Variants in ELOB observed in about 807,000 individuals in gnomAD.
ELOB encodes the protein elongin-B.
In ELOB, 3 loss-of-function variants were observed where a neutral mutation model predicts 12.9. The ratio of observed to expected loss-of-function variants is 0.23; its 90% CI spans 0.11 to 0.60. The LOEUF is 0.60. Among genes scored for constraint, ELOB ranks in the 20% least tolerant of loss-of-function variants. The pLI is 0.89. For synonymous variants in ELOB, 84 were observed against 67.4 expected (o/e 1.25, Z -1.21); for missense variants, 126 against 159.2 (o/e 0.79, Z 1.12).
At chr16:2,772,215 C>T (rs901996228) in intron 3 of ELOB, 113 bp from the exon 4 acceptor site, 8 of 1,275,478 alleles carry the variant, frequency 6.3e-6, no homozygotes, top group Admixed American at 2.9e-5. Context: ...GCGAACGCCC[C>T]TCCACACGGC....
chr16:2,771,824 G>T lies in ELOB; in HGVS notation c.*166C>A. 1 of 1,451,796 alleles carries T rather than the reference G, an allele frequency of 6.9e-7. No individual in the cohort carries two copies. Among genetic ancestry groups the T allele is most frequent in the Non-Finnish European group, 9.0e-7 (1 of 1,105,958 alleles). The allele number at this position is 1,451,796 out of a possible 1,614,324, so 89.9% of individuals were successfully genotyped here. A position where few individuals can be genotyped will look rare whatever the true frequency, so the allele number is the denominator to read the frequency against. On this transcript the variant is annotated 3_prime_UTR_variant, in exon 4 of 4. Coordinates refer to ENST00000409906, the MANE Select transcript of ELOB (RefSeq NM_007108.4). ...AGGCTGGGCCAAGTTCTCAGCCAGG[G>T]TCTCAGGATCTGGGAGACAGGACAG...
At position 2,771,664 on chromosome 16, in the gene ELOB, G is replaced by A. The variant is rs1596301255; in HGVS notation, c.*326C>T. The stretch of plus-strand genomic sequence containing the variant: ...CCTAAAACTGGAATCTCTTGTCCCT[G>A]AGGCTGGCTCTGGTCTTTGTGTCTC... On this transcript the variant is annotated 3_prime_UTR_variant, in exon 4 of 4. Coordinates refer to ENST00000409906, the MANE Select transcript of ELOB (RefSeq NM_007108.4). The A allele has an allele frequency of 6.2e-7, 1 of 1,609,552 alleles. No individual in the cohort carries two copies.
intron 2 of ELOB, among the ~76,000 whole-genome samples, chr16:2,776,673 T>G (rs1038661246): frequency 2.0e-5 from 3 of 152,212 alleles, no homozygotes; most frequent in African/African-American, 4.8e-5. Context: ...GCGCTGCCAA[T>G]GACCTTTGGC....
chr16:2,771,917 CG>C lies in ELOB; in HGVS notation c.*72del. 1.3e-6 allele frequency: 2 copies of C among 1,537,030 alleles called. No individual in the cohort carries two copies. The highest frequency in any genetic ancestry group is 1.8e-6 in the Non-Finnish European group (2 of 1,140,812). On this transcript the variant is annotated 3_prime_UTR_variant, in exon 4 of 4. Transcript: ENST00000409906. ...GAGTGGGACCCATCCCAGGGAGGGGCGGGAAAAAGAGGCAGCAACCAGGCAG... is the reference window on the plus strand; with the variant it reads ...GAGTGGGACCCATCCCAGGGAGGGGCGGAAAAAGAGGCAGCAACCAGGCAG...
chr16:2,771,679 C>CT lies in ELOB; in HGVS notation c.*310dup, dbSNP rs1216714422. 2.5e-6 allele frequency: 4 copies of CT among 1,601,286 alleles called. No individual in the cohort carries two copies. The highest frequency in any genetic ancestry group is 8.5e-7 in the Non-Finnish European group (1 of 1,174,284). ...TCTTGTCCCTGAGGCTGGCTCTGGT[C>CT]TTTGTGTCTCTCCCAGTCCTTCCCT... is the stretch of plus-strand genomic sequence containing the variant. On this transcript the variant is annotated 3_prime_UTR_variant, in exon 4 of 4. Transcript: ENST00000409906.
intron 2 of ELOB, among the ~76,000 whole-genome samples, chr16:2,776,399 C>T (rs999603089): frequency 1.3e-5 from 2 of 152,184 alleles, no homozygotes; most frequent in African/African-American, 4.8e-5. Context: ...GCATCTGACT[C>T]CCCAATGCAG....
At chr16:2,772,901 C>T (rs922654329) in intron 3 of ELOB, among the ~76,000 whole-genome samples, 1 of 152,124 alleles carries the variant, frequency 6.6e-6, no homozygotes, top group Non-Finnish European at 1.5e-5. Context: ...CTTGCTGGTC[C>T]CAGCACTCGG....
Position 2,771,554 on chromosome 16 carries a change from C to T in ELOB, c.*436G>A. 4 of 1,614,142 alleles carry T rather than the reference C, an allele frequency of 2.5e-6. No individual in the cohort carries two copies. Among genetic ancestry groups the T allele is most frequent in the Non-Finnish European group, 3.4e-6 (4 of 1,180,008 alleles). On this transcript the variant is annotated 3_prime_UTR_variant, in exon 4 of 4. Coordinates refer to ENST00000409906, the MANE Select transcript of ELOB (RefSeq NM_007108.4). ...ACATGCTGTCAAACCAGGACACTGG[C>T]TCCAGCTTGTGTTTCTGCTCTTGGC...
chr16:2,772,916 G>C (rs1454681128), intron 3 of ELOB, among the ~76,000 whole-genome samples: 1 of 152,090 alleles, frequency 6.6e-6, no homozygotes, highest in African/African-American at 2.4e-5. Flanking sequence ...ACTCGGAATG[G>C]CTGGCTGCTT....
intron 3 of ELOB, 30 bp from the exon 4 acceptor site, chr16:2,772,132 G>T (rs377208918): frequency 6.4e-7 from 1 of 1,558,718 alleles, no homozygotes; most frequent in South Asian, 1.2e-5. Flanking sequence ...GCTGCAGGGG[G>T]GTATTCCAGC....
At chr16:2,776,929 G>A in intron 2 of ELOB, 64 bp downstream of exon 2, 1 of 1,512,440 alleles carries the variant, frequency 6.6e-7, no homozygotes, top group Admixed American at 2.0e-5. Flanking sequence ...CGCGGACAGC[G>A]TAGGCGTCAG....
chr16:2,777,161 CG>C (rs2068806524), intron 1 of ELOB, 34 bp from the exon 2 acceptor site: 1 of 1,253,336 alleles, frequency 8.0e-7, no homozygotes, highest in Non-Finnish European at 1.0e-6. Context: ...GCACGAAGCC[CG>C]GGCCCCCCGC....
chr16:2,772,755 A>G (rs1053000103), intron 3 of ELOB, among the ~76,000 whole-genome samples: 1 of 151,340 alleles, frequency 6.6e-6, no homozygotes, highest in African/African-American at 2.4e-5. Flanking sequence ...CCCTGCTGAA[A>G]ACCATCCAGT....
intron 3 of ELOB, 103 bp downstream of exon 3, chr16:2,775,345 CACT>C: frequency 1.6e-6 from 1 of 642,244 alleles, no homozygotes. Flanking sequence ...ACGAGGAAGA[CACT>C]GCCCTGAAGG....
chr16:2,776,136 A>C (rs2068798555), intron 2 of ELOB, among the ~76,000 whole-genome samples: 1 of 152,200 alleles, frequency 6.6e-6, no homozygotes, highest in African/African-American at 2.4e-5. Context: ...GGGCCACCAG[A>C]GGGTTTCAAT....
rs773606482 is a variant in ELOB, at chr16:2,771,581, A to G, written c.*409T>C. ...CCAGCTTGTGTTTCTGCTCTTGGCC[A>G]TCGTCTGGGAGTGGACATGCAGGCT... On this transcript the variant is annotated 3_prime_UTR_variant, in exon 4 of 4. Transcript: ENST00000409906. The G allele has an allele frequency of 1.9e-6, 3 of 1,613,986 alleles. No homozygotes were observed. Among genetic ancestry groups the G allele is most frequent in the South Asian group, 2.2e-5 (2 of 91,076 alleles).
In ELOB at chr16:2,771,988, C is replaced by T. The variant is rs78292378; in HGVS notation, c.*2G>A. ...TGGGGGAAATGGGCCTCTTGGGGGT[C>T]CTCACTGCACGGCTTGTTCATTGGC... On this transcript the variant is annotated 3_prime_UTR_variant, in exon 4 of 4. Transcript: ENST00000409906. The T allele has an allele frequency of 1.2e-5, 2 of 162,858 alleles. No homozygotes were observed. Among genetic ancestry groups the T allele is most frequent in the East Asian group, 7.7e-5 (1 of 13,020 alleles). 10.1% of individuals were successfully genotyped at this position (162,858 alleles called of 1,614,324 possible).
rs2068807483 is a variant in ELOB at position 2,777,223 on chromosome 16, C to T, written c.3+14G>A. 2 of 1,013,452 alleles carry T rather than the reference C, an allele frequency of 2.0e-6. No individual in the cohort carries two copies. Among genetic ancestry groups the T allele is most frequent in the Non-Finnish European group, 2.4e-6 (2 of 848,488 alleles). The allele number at this position is 1,013,452 out of a possible 1,614,324, so 62.8% of individuals were successfully genotyped here. ...CCGGCCCGGCCCGGCCGCCCCTCCC[C>T]CACGCCCGCTCACCATCGCGGCTGC... On this transcript the variant is annotated intron_variant, in intron 1 of 3. Transcript: ENST00000409906.
Position 2,771,512 on chromosome 16 carries a change from T to C in ELOB, c.*478A>G, listed in dbSNP as rs766959241. 3.0e-5 allele frequency: 48 copies of C among 1,614,048 alleles called. No homozygotes were observed. Among genetic ancestry groups the C allele is most frequent in the Non-Finnish European group, 3.9e-5 (46 of 1,180,032 alleles). On this transcript the variant is annotated 3_prime_UTR_variant, in exon 4 of 4. Transcript: ENST00000409906. ...TGGGTGGACCTGTGTGGGTCCGTCT[T>C]GGGGTTCCCTCGTTGAACATGCTGT...
Sources: allele counts gnomAD v4.1 joint callset (sites outside exome capture counted in the v4.1 genomes callset), GRCh38; gene constraint gnomAD v4.1.1; transcripts MANE v1.5; gene names NCBI Gene and HGNC (gene_info 2026-07-23, HGNC 2026-07-21).